Variants in SLC14A2 observed in about 807,000 individuals in gnomAD.
The protein encoded by SLC14A2 is solute carrier family 14 member 2, also known as urea transporter 2.
A neutral mutation model predicts 104.6 loss-of-function variants in SLC14A2; 91 were observed. That is an observed-to-expected ratio of 0.87 (90% CI 0.73 to 1.04). The LOEUF (loss-of-function observed/expected upper bound fraction) is 1.04. SLC14A2 is among the 50% of genes least tolerant of loss of function. SLC14A2 has a pLI of 0.00. For missense variants in SLC14A2, 1,189 were observed against 1,156.0 expected, an observed-to-expected ratio of 1.03 and a Z score of -0.41; for synonymous variants, 476 against 466.4, an observed-to-expected ratio of 1.02 and a Z score of -0.27.
chr18:45,580,725 G>T (rs1160011015), intron 2 of SLC14A2, among the ~76,000 whole-genome samples: 2 of 152,118 alleles, frequency 1.3e-5, no homozygotes, highest in Non-Finnish European at 2.9e-5. Flanking sequence ...GGCACAGGGA[G>T]GTCATATAAC....
chr18:45,354,088 A>G (rs776299793), intron 1 of SLC14A2, among the ~76,000 whole-genome samples: 5 of 152,174 alleles, frequency 3.3e-5, no homozygotes, highest in Non-Finnish European at 4.4e-5. Context: ...CAGGGGGTAG[A>G]GTTGACATAA....
At chr18:45,331,969 T>C (rs1234391931) in intron 1 of SLC14A2, among the ~76,000 whole-genome samples, 1 of 152,216 alleles carries the variant, frequency 6.6e-6, no homozygotes, top group African/African-American at 2.4e-5. Flanking sequence ...GGGTTAACAA[T>C]GAGAAGCCTC....
intron 1 of SLC14A2, among the ~76,000 whole-genome samples, chr18:45,390,457 C>T (rs137980993): frequency 2.9e-3 from 435 of 152,272 alleles, no homozygotes; most frequent in African/African-American, 9.9e-3. Context: ...GTCTGCCCCA[C>T]GCCCTAGTAG....
intron 1 of SLC14A2, among the ~76,000 whole-genome samples, chr18:45,324,857 A>G (rs893230858): frequency 1.3e-5 from 2 of 152,046 alleles, no homozygotes; most frequent in Admixed American, 1.3e-4. Flanking sequence ...ATGTTGGAAT[A>G]TGTTTCAACG....
intron 11 of SLC14A2, among the ~76,000 whole-genome samples, chr18:45,664,442 G>C (rs1181106008): frequency 6.6e-6 from 1 of 152,214 alleles, no homozygotes; most frequent in African/African-American, 2.4e-5. Flanking sequence ...CGTGGAAGCT[G>C]AGAACATGTG....
intron 1 of SLC14A2, among the ~76,000 whole-genome samples, chr18:45,262,539 A>G (rs181712516): frequency 6.6e-6 from 1 of 152,294 alleles, no homozygotes; most frequent in African/African-American, 2.4e-5. Context: ...GCCCCTATTA[A>G]TTAATGCCCA....
At chr18:45,427,207 A>C (rs1186421419) in intron 1 of SLC14A2, among the ~76,000 whole-genome samples, 1 of 151,792 alleles carries the variant, frequency 6.6e-6, no homozygotes, top group African/African-American at 2.4e-5. Context: ...TATTCACTTA[A>C]TTTTTCTTCA....
At position 45,625,805 on chromosome 18, in the gene SLC14A2, C is replaced by T. The variant is rs1305551340; in HGVS notation, c.273C>T (p.Leu91=). The change falls in exon 3 of 20, where the codon CTC becomes CTT. Residue 91 remains leucine, a synonymous_variant. Coordinates refer to ENST00000255226, the MANE Select transcript of SLC14A2 (RefSeq NM_007163.4). ...CAGCAGGCCAAAGGTGCATCTGCCT[C>T]TCCAAAGCAGTGGGCTACCTCACGG... The part of the protein sequence containing the change: ...RDSAGQRCIC[L]SKAVGYLTGD... 6.5e-7 allele frequency: 1 copy of T among 1,532,466 alleles called. No homozygotes were observed. Among genetic ancestry groups the T allele is most frequent in the South Asian group, 1.3e-5 (1 of 77,554 alleles). 94.9% of individuals were successfully genotyped at this position (1,532,466 alleles called of 1,614,324 possible). A position where few individuals can be genotyped will look rare whatever the true frequency, so the allele number is the denominator to read the frequency against.
the SLC14A2 span, among the ~76,000 whole-genome samples, chr18:45,169,558 C>T: frequency 2.3e-4 from 35 of 152,176 alleles, no homozygotes; most frequent in South Asian, 4.1e-4. Context: ...TAGGTTTTTG[C>T]ATTTTGTGTA....
intron 1 of SLC14A2, among the ~76,000 whole-genome samples, chr18:45,481,572 G>A (rs1481456318): frequency 6.6e-6 from 1 of 152,118 alleles, no homozygotes; most frequent in East Asian, 1.9e-4. Context: ...TTTGGAAATG[G>A]TGGTGGTATC....
intron 1 of SLC14A2, among the ~76,000 whole-genome samples, chr18:45,444,762 C>T (rs545796267): frequency 1.3e-5 from 2 of 152,266 alleles, no homozygotes; most frequent in African/African-American, 4.8e-5. Flanking sequence ...AGTGGCGAGC[C>T]GCACAGGTAG....
At chr18:45,378,858 G>A (rs1313671094) in intron 1 of SLC14A2, among the ~76,000 whole-genome samples, 6 of 152,018 alleles carry the variant, frequency 3.9e-5, no homozygotes, top group Non-Finnish European at 5.9e-5. Context: ...TGATCTGCCC[G>A]TCTCAGCCTC....
chr18:45,541,534 C>T (rs1474615216), intron 2 of SLC14A2, among the ~76,000 whole-genome samples: 1 of 152,216 alleles, frequency 6.6e-6, no homozygotes, highest in Non-Finnish European at 1.5e-5. Context: ...TTTCTTAGGG[C>T]TTCTAGTACA....
the SLC14A2 span, among the ~76,000 whole-genome samples, chr18:45,176,354 A>T: frequency 6.6e-6 from 1 of 152,186 alleles, no homozygotes; most frequent in African/African-American, 2.4e-5. Context: ...AGGGATTTGA[A>T]CCCAGGCAGT....
chr18:45,682,221 T>C, intron 19 of SLC14A2, 98 bp from the exon 20 acceptor site: 1 of 1,009,136 alleles, frequency 9.9e-7, no homozygotes, highest in African/African-American at 1.6e-5. Flanking sequence ...CTCAAAGCAG[T>C]CCCTCATGTC....
intron 1 of SLC14A2, among the ~76,000 whole-genome samples, chr18:45,241,324 A>G (rs1396099477): frequency 6.6e-6 from 1 of 152,206 alleles, no homozygotes; most frequent in East Asian, 1.9e-4. Context: ...TCTGCTGAGG[A>G]CAGGAAGGCT....
intron 2 of SLC14A2, chr18:45,485,182 G>A (rs2087577169): frequency 1.3e-5 from 2 of 152,162 alleles, no homozygotes; most frequent in Non-Finnish European, 2.9e-5. Flanking sequence ...AAGGGATAAT[G>A]ACCATGATGA....
At chr18:45,197,287 T>A in the SLC14A2 span, among the ~76,000 whole-genome samples, 1 of 152,182 alleles carries the variant, frequency 6.6e-6, no homozygotes, top group African/African-American at 2.4e-5. Flanking sequence ...CAAAAACCTG[T>A]GGTATGCAAC....
intron 2 of SLC14A2, among the ~76,000 whole-genome samples, chr18:45,559,927 G>T (rs1020659599): frequency 4.6e-5 from 7 of 152,220 alleles, no homozygotes; most frequent in African/African-American, 1.7e-4. Flanking sequence ...TTGACCCAAG[G>T]TGTCTGGCCT....
Sources: allele counts gnomAD v4.1 joint callset (sites outside exome capture counted in the v4.1 genomes callset), GRCh38; gene constraint gnomAD v4.1.1; transcripts MANE v1.5; gene names NCBI Gene and HGNC (gene_info 2026-07-23, HGNC 2026-07-21).